Variants in GPC3 observed in about 807,000 individuals in gnomAD.
The protein encoded by GPC3 is glypican-3.
GPC3 carries 3 observed loss-of-function variants against 34.4 expected under a neutral mutation model. The ratio of observed to expected loss-of-function variants is 0.09; its 90% confidence interval spans 0.04 to 0.23. The LOEUF is 0.23. Among genes scored for constraint, GPC3 ranks in the 10% least tolerant of loss-of-function variants. The pLI is 1.00. For missense variants in GPC3, 351 were observed against 445.6 expected, an observed-to-expected ratio of 0.79 and a Z score of 1.91; for synonymous variants, 177 against 174.0, an observed-to-expected ratio of 1.02 and a Z score of -0.13.
intron 2 of GPC3, among the ~76,000 whole-genome samples, chrX:133,941,012 C>T (rs1037376896): frequency 1.8e-5 from 2 of 112,318 alleles, no homozygotes; most frequent in African/African-American, 6.5e-5. Context: ...ATCTGACAGG[C>T]CAGTATATCT....
rs148334137 is a variant in GPC3 at position 133,695,524 on chromosome X, C to T, written c.1167-3030G>A. Among the ~76,000 whole-genome samples the T allele has an allele frequency of 5.7e-3, 631 of 111,306 alleles. 6 individuals carry two copies. Among genetic ancestry groups the T allele is most frequent in the Middle Eastern group, 0.023 (5 of 216 alleles). On this transcript the variant is annotated intron_variant, in intron 4 of 7. Coordinates refer to ENST00000370818, the MANE Select transcript of GPC3 (RefSeq NM_004484.4). ...GAGGGTTCTCTAGTATGGGGAGGGA[C>T]GCCCCTTGGAAGAATGAAAACAGAC...
rs1203754856 is a variant in GPC3, at chrX:133,829,130, T to TA, written c.338-74955_338-74954insT. On this transcript the variant is annotated intron_variant, in intron 2 of 7. Transcript: ENST00000370818. ...ACACAAATAGATTGAAAATAAAAGG[T>TA]TGGAAGAAAACATACAGATATACCA... Among the ~76,000 whole-genome samples, 35 of 111,581 alleles carry TA rather than the reference T, an allele frequency of 3.1e-4. No individual in the cohort carries two copies. In the East Asian group the frequency reaches 8.5e-3, roughly 27 times the overall value.
chrX:133,708,870 C>G (rs1243411019), intron 3 of GPC3, among the ~76,000 whole-genome samples: 1 of 112,083 alleles, frequency 8.9e-6, no homozygotes, highest in Non-Finnish European at 1.9e-5. Context: ...GTTTATCTGT[C>G]ATGAATGCTA....
chrX:133,645,838 G>A (rs1362256340), intron 6 of GPC3, among the ~76,000 whole-genome samples: 1 of 110,620 alleles, frequency 9.0e-6, no homozygotes, highest in Admixed American at 9.7e-5. Context: ...GAAGATGAGA[G>A]TGGGTGGATA....
At chrX:133,775,443 C>T (rs1165576977) in intron 2 of GPC3, among the ~76,000 whole-genome samples, 3 of 111,455 alleles carry the variant, frequency 2.7e-5, no homozygotes, top group Non-Finnish European at 3.8e-5. Flanking sequence ...CATGTCTCAG[C>T]GATACATTCA....
chrX:133,763,414 C>T (rs1391617150), intron 2 of GPC3: 10 of 537,591 alleles, frequency 1.9e-5, no homozygotes, highest in Non-Finnish European at 3.0e-5. Flanking sequence ...CTACAGAGAT[C>T]CTGAAGAGAC....
At chrX:133,763,177 A>G in intron 2 of GPC3, 1 of 688,729 alleles carries the variant, frequency 1.5e-6, no homozygotes, top group Non-Finnish European at 2.3e-6. Flanking sequence ...TACTGACCCC[A>G]GGGCTGACCA....
intron 2 of GPC3, among the ~76,000 whole-genome samples, chrX:133,862,551 G>A (rs1014399503): frequency 3.7e-5 from 4 of 108,747 alleles, no homozygotes; most frequent in African/African-American, 1.0e-4. Flanking sequence ...TCAGCTGGGC[G>A]TGGTGATGGG....
At chrX:133,852,549 T>C (rs775403615) in intron 2 of GPC3, among the ~76,000 whole-genome samples, 2 of 112,002 alleles carry the variant, frequency 1.8e-5, no homozygotes, top group African/African-American at 6.5e-5. Context: ...TAATCACTTC[T>C]AATGAGCTGC....
intron 4 of GPC3, among the ~76,000 whole-genome samples, chrX:133,695,514 T>C: frequency 9.0e-6 from 1 of 111,556 alleles, no homozygotes; most frequent in African/African-American, 3.3e-5. Flanking sequence ...TTCTCTAGTA[T>C]GGGGAGGGAC....
intron 1 of GPC3, among the ~76,000 whole-genome samples, chrX:133,956,195 A>G (rs2076415721): frequency 8.9e-6 from 1 of 112,226 alleles, no homozygotes; most frequent in Non-Finnish European, 1.9e-5. Flanking sequence ...ATGTCAAAAT[A>G]CCATTTGGGG....
intron 2 of GPC3, among the ~76,000 whole-genome samples, chrX:133,795,683 TAAA>T (rs1378701608): frequency 1.8e-5 from 2 of 111,498 alleles, no homozygotes; most frequent in Non-Finnish European, 3.8e-5. Context: ...ACAAGTAATA[TAAA>T]TTATCTTGAG....
intron 2 of GPC3, among the ~76,000 whole-genome samples, chrX:133,895,667 ATAAT>A (rs1251360722): frequency 9.0e-6 from 1 of 111,624 alleles, no homozygotes; most frequent in Non-Finnish European, 1.9e-5. Flanking sequence ...AGCAGAATTA[ATAAT>A]TCATATCCTG....
At chrX:133,760,030 A>G (rs1240214067) in intron 2 of GPC3, among the ~76,000 whole-genome samples, 1 of 112,181 alleles carries the variant, frequency 8.9e-6, no homozygotes, top group Non-Finnish European at 1.9e-5. Context: ...AAAAACTAGA[A>G]AAAGATATTC....
chrX:133,856,477 A>G (rs1206898726), intron 2 of GPC3, among the ~76,000 whole-genome samples: 1 of 111,069 alleles, frequency 9.0e-6, no homozygotes, highest in African/African-American at 3.3e-5. Context: ...AAGCATCTAG[A>G]TGTAATCAAA....
intron 7 of GPC3, among the ~76,000 whole-genome samples, chrX:133,570,326 C>T (rs1426401552): frequency 5.4e-5 from 6 of 111,472 alleles, no homozygotes; most frequent in African/African-American, 1.6e-4. Flanking sequence ...CTTGGCCTCC[C>T]GAGTAGCTGA....
At chrX:133,602,518 C>G (rs776604228) in intron 6 of GPC3, among the ~76,000 whole-genome samples, 1 of 111,635 alleles carries the variant, frequency 9.0e-6, no homozygotes, top group East Asian at 2.8e-4. Flanking sequence ...CGAGGTGGAA[C>G]AGTTTCATTC....
At chrX:133,897,051 C>T (rs1307796489) in intron 2 of GPC3, among the ~76,000 whole-genome samples, 1 of 108,429 alleles carries the variant, frequency 9.2e-6, no homozygotes, top group African/African-American at 3.4e-5. Context: ...GGACTACAGG[C>T]GCCCACAACC....
intron 3 of GPC3, among the ~76,000 whole-genome samples, chrX:133,700,605 G>A (rs1603228496): frequency 9.0e-6 from 1 of 111,628 alleles, no homozygotes; most frequent in South Asian, 3.8e-4. Context: ...GCCAGTGACA[G>A]GCAGCTCACA....
Sources: allele counts gnomAD v4.1 joint callset (sites outside exome capture counted in the v4.1 genomes callset), GRCh38; gene constraint gnomAD v4.1.1; transcripts MANE v1.5; gene names NCBI Gene and HGNC (gene_info 2026-07-23, HGNC 2026-07-21).